Variants in MROH9 observed in about 807,000 individuals in gnomAD.
MROH9 encodes the protein maestro heat like repeat family member 9, also known as maestro heat-like repeat-containing protein family member 9.
MROH9 carries 92 observed loss-of-function variants against 98.2 expected under a neutral mutation model. The ratio of observed to expected loss-of-function variants is 0.94; its 90% CI spans 0.79 to 1.11. The LOEUF (loss-of-function observed/expected upper bound fraction) is 1.11. Ranked by LOEUF, MROH9 falls within the 50% of genes most tolerant of loss-of-function variation. The pLI is 0.00. For missense variants in MROH9, 1,057 were observed against 1,014.8 expected, an observed-to-expected ratio of 1.04 and a Z score of -0.57; for synonymous variants, 397 against 368.9, an observed-to-expected ratio of 1.08 and a Z score of -0.87.
intron 3 of MROH9, among the ~76,000 whole-genome samples, chr1:170,950,735 A>C (rs1649518561): frequency 6.6e-6 from 1 of 152,120 alleles, no homozygotes; most frequent in Non-Finnish European, 1.5e-5. Context: ...AAGTCCATTC[A>C]AAAACATGCT....
chr1:170,978,034 G>T (rs199731943), intron 8 of MROH9, among the ~76,000 whole-genome samples: 1 of 152,168 alleles, frequency 6.6e-6, no homozygotes, highest in African/African-American at 2.4e-5. Flanking sequence ...TCCTTCTTTA[G>T]TCTGAGGGTA....
intron 20 of MROH9, among the ~76,000 whole-genome samples, chr1:171,050,901 T>A (rs1653644695): frequency 6.6e-6 from 1 of 152,232 alleles, no homozygotes; most frequent in South Asian, 2.1e-4. Flanking sequence ...AAATGCTTTT[T>A]CTACATTTAT....
chr1:170,995,352 T>C (rs762599064), intron 12 of MROH9, 37 bp from the exon 13 acceptor site: 2 of 1,610,638 alleles, frequency 1.2e-6, no homozygotes, highest in Non-Finnish European at 8.5e-7. Context: ...TAGAGAAAAA[T>C]GTTTACATTT....
intron 21 of MROH9, among the ~76,000 whole-genome samples, chr1:171,062,652 G>A (rs1212601044): frequency 6.6e-6 from 1 of 152,194 alleles, no homozygotes; most frequent in African/African-American, 2.4e-5. Context: ...TGCAGAGGAG[G>A]GAATTAAAGA....
intron 20 of MROH9, among the ~76,000 whole-genome samples, chr1:171,034,231 C>T (rs1653023623): frequency 6.6e-6 from 1 of 151,978 alleles, no homozygotes; most frequent in African/African-American, 2.4e-5. Context: ...CAATTTTATC[C>T]AGCTATACAG....
At chr1:170,996,735 T>A (rs1306156429) in intron 14 of MROH9, 91 bp downstream of exon 14, 2 of 1,246,572 alleles carry the variant, frequency 1.6e-6, no homozygotes, top group East Asian at 2.4e-5. Context: ...AAGATAGGCA[T>A]CTATTCCAAT....
intron 20 of MROH9, among the ~76,000 whole-genome samples, chr1:171,032,573 C>G (rs1343138587): frequency 6.6e-6 from 1 of 152,074 alleles, no homozygotes; most frequent in Non-Finnish European, 1.5e-5. Flanking sequence ...ACTGCAGGCC[C>G]TACTCATCTG....
chr1:170,961,101 T>C (rs2101892383), intron 5 of MROH9, among the ~76,000 whole-genome samples: 1 of 152,330 alleles, frequency 6.6e-6, no homozygotes, highest in South Asian at 2.1e-4. Flanking sequence ...GCAATTACTG[T>C]CTACTTCCAT....
intron 15 of MROH9, among the ~76,000 whole-genome samples, chr1:171,012,816 T>A (rs1354308378): frequency 1.3e-5 from 2 of 152,188 alleles, no homozygotes; most frequent in Non-Finnish European, 2.9e-5. Flanking sequence ...ACTATCATTG[T>A]GTTTTTGAGA....
intron 17 of MROH9, among the ~76,000 whole-genome samples, chr1:171,021,109 G>A (rs1160903459): frequency 6.6e-6 from 1 of 152,122 alleles, no homozygotes; most frequent in African/African-American, 2.4e-5. Context: ...GGAAATCAGA[G>A]AGGACACAAA....
chr1:171,063,023 ATTC>A (rs1412530006), intron 21 of MROH9, among the ~76,000 whole-genome samples: 5 of 152,022 alleles, frequency 3.3e-5, no homozygotes, highest in Non-Finnish European at 7.4e-5. Context: ...TCATTCATTC[ATTC>A]AACACATATT....
rs762044130 is a variant in MROH9 at position 170,986,664 on chromosome 1, C to T, written c.833C>T (p.Ser278Phe). The T allele has an allele frequency of 8.1e-6, 13 of 1,613,778 alleles. No individual in the cohort carries two copies. The South Asian group carries it at 1.4e-4, about 18-fold the overall frequency. Residue 278 changes from serine to phenylalanine, a missense_variant, in exon 10 of 22, where the codon TCC becomes TTC. Ser to Phe is a radical substitution (Grantham distance 155). Coordinates refer to ENST00000367759, the MANE Select transcript of MROH9 (RefSeq NM_001163629.2). The stretch of plus-strand genomic sequence containing the variant: ...GATAAAATCGCATCTGATGCAGCAT[C>T]CATACTGATATTTACTCTGGAATTT... ...PDDKIASDAASILIFTLEFHA... is the reference protein window; with the variant it reads ...PDDKIASDAAFILIFTLEFHA...
rs746191404 is a variant in MROH9, at chr1:171,019,502, A to C, written c.1908+3166A>C. Among the ~76,000 whole-genome samples the C allele has an allele frequency of 3.7e-4, 56 of 152,084 alleles. 1 individual carries two copies. Among genetic ancestry groups the C allele is most frequent in the Non-Finnish European group, 5.6e-4 (38 of 68,018 alleles). ...CCCCATCTCTACTAAAAATACAAAA[A>C]TTAGCCTGCTGTGGTGGCACATGCC... On this transcript the variant is annotated intron_variant, in intron 17 of 21. Transcript: ENST00000367759.
intron 1 of MROH9, among the ~76,000 whole-genome samples, chr1:170,938,936 G>A (rs1649007015): frequency 6.6e-6 from 1 of 152,158 alleles, no homozygotes; most frequent in African/African-American, 2.4e-5. Flanking sequence ...CATGTTGCTG[G>A]ACCCATACAT....
chr1:170,965,846 A>T (rs1310565919), intron 7 of MROH9, among the ~76,000 whole-genome samples: 1 of 152,088 alleles, frequency 6.6e-6, no homozygotes, highest in Admixed American at 6.6e-5. Context: ...TTATATTCAC[A>T]TATGGTTCTA....
At position 170,990,001 on chromosome 1, in the gene MROH9, C is replaced by T. The variant is rs776956950; in HGVS notation, c.1026C>T (p.Asp342=). ...FQLMDYPVPA[D]DTLIQMWKAA... ...TTATGGACTACCCAGTTCCAGCAGA[C>T]GAGTAAGGCCCCCCAACCCTCTGTC... Residue 342 remains aspartate (D), a splice_region_variant and synonymous_variant, in exon 11 of 22, where the codon GAC becomes GAT. Coordinates refer to ENST00000367759, the MANE Select transcript of MROH9 (RefSeq NM_001163629.2). The T allele has an allele frequency of 8.1e-6, 13 of 1,609,262 alleles. No individual in the cohort carries two copies. Among genetic ancestry groups the T allele is most frequent in the African/African-American group, 4.0e-5 (3 of 74,798 alleles).
At chr1:171,042,779 GTCT>G (rs1484634190) in intron 20 of MROH9, among the ~76,000 whole-genome samples, 1 of 152,100 alleles carries the variant, frequency 6.6e-6, no homozygotes, top group East Asian at 1.9e-4. Context: ...CCATTTGTAT[GTCT>G]TCTTTTTAGA....
chr1:171,056,069 T>G (rs540747960), intron 20 of MROH9, among the ~76,000 whole-genome samples: 1 of 152,330 alleles, frequency 6.6e-6, no homozygotes, highest in East Asian at 1.9e-4. Flanking sequence ...CCCAGAGCCA[T>G]GCAGATTCTT....
At chr1:170,938,914 C>A (rs534175501) in intron 1 of MROH9, among the ~76,000 whole-genome samples, 1 of 152,192 alleles carries the variant, frequency 6.6e-6, no homozygotes, top group African/African-American at 2.4e-5. Flanking sequence ...TTGTCCTTGA[C>A]AAATAAAAGT....
Sources: gnomAD v4.1 joint callset for allele counts (sites outside exome capture counted in the v4.1 genomes callset) on GRCh38, gnomAD v4.1.1 for gene constraint, MANE v1.5 for transcripts, NCBI Gene and HGNC (gene_info 2026-07-23, HGNC 2026-07-21) for gene names.